The following CYP7B1 variants were observed in gnomAD, a reference collection of about 807,000 sequenced individuals.
CYP7B1 encodes the protein cytochrome P450 7B1.
In CYP7B1, 29 loss-of-function variants were observed where a neutral mutation model predicts 42.7. The ratio of observed to expected loss-of-function variants is 0.68; its 90% CI spans 0.51 to 0.93. The LOEUF (loss-of-function observed/expected upper bound fraction) is 0.93, where lower values mean the gene tolerates loss of function less well. Ranked by LOEUF, CYP7B1 falls within the 40% of genes least tolerant of loss-of-function variation. The pLI is 0.00. For missense variants in CYP7B1, 655 were observed against 600.5 expected (o/e 1.09, Z -0.95); for synonymous variants, 235 against 218.2 (o/e 1.08, Z -0.68).
intron 1 of CYP7B1, among the ~76,000 whole-genome samples, chr8:64,794,574 G>C (rs1307259171): frequency 6.6e-6 from 1 of 152,184 alleles, no homozygotes; most frequent in Non-Finnish European, 1.5e-5. Context: ...CATGGACAAA[G>C]GGGCAAGGGA....
intron 1 of CYP7B1, among the ~76,000 whole-genome samples, chr8:64,759,829 C>T (rs1443784391): frequency 6.6e-6 from 1 of 152,126 alleles, no homozygotes; most frequent in Non-Finnish European, 1.5e-5. Flanking sequence ...TTAAAATATT[C>T]TTTCCACTCA....
chr8:64,705,586 A>T (rs887099644), intron 1 of CYP7B1, among the ~76,000 whole-genome samples: 7 of 151,522 alleles, frequency 4.6e-5, no homozygotes, highest in Non-Finnish European at 8.8e-5. Flanking sequence ...TTTTTATAAG[A>T]TTTTTTGGGG....
At chr8:64,624,953 T>A (rs1017696877) in intron 1 of CYP7B1, among the ~76,000 whole-genome samples, 4 of 12,032 alleles carry the variant, frequency 3.3e-4, no homozygotes, top group Non-Finnish European at 4.7e-4. Flanking sequence ...ATATCATTCT[T>A]TTTTTTTTTT....
At chr8:64,706,412 G>T (rs564425989) in intron 1 of CYP7B1, among the ~76,000 whole-genome samples, 2 of 152,114 alleles carry the variant, frequency 1.3e-5, no homozygotes, top group East Asian at 3.9e-4. Context: ...CTACCTAAGA[G>T]AGTGTTCATC....
In CYP7B1 at chr8:64,615,966, G is replaced by A. The variant is rs1255712061; in HGVS notation, c.575C>T (p.Thr192Ile). 3.1e-6 allele frequency: 5 copies of A among 1,613,528 alleles called. No homozygotes were observed. Among genetic ancestry groups the A allele is most frequent in the Non-Finnish European group, 4.2e-6 (5 of 1,179,804 alleles). The change falls in exon 3 of 6, where the codon ACA (threonine) becomes ATA (isoleucine). Residue 192 changes from threonine (T) to isoleucine (I), a missense_variant. Transcript: ENST00000310193. ...AACTTTTCCATATATAGTTGTAAAT[G>A]TGATCTCAAATATTATTGAGCTGCA... ...PFCSSIIFEI[T>I]FTTIYGKVIV...
rs760612173 is a variant in CYP7B1, at chr8:64,615,209, C to T, written c.874G>A (p.Ala292Thr). The stretch of plus-strand genomic sequence containing the variant: ...GTTGGAATAGTGTTTGCCACAGAGG[C>T]CCAGAGAAAGCCTAAATGATGTGCT... The part of the protein sequence containing the change: ...IGAHHLGFLW[A>T]SVANTIPTMF... Residue 292 changes from alanine to threonine, a missense_variant, in exon 4 of 6, where the codon GCC becomes ACC. By Grantham distance (58) the Ala-to-Thr change is moderately conservative. Transcript: ENST00000310193. 3 of 1,612,898 alleles carry T rather than the reference C, an allele frequency of 1.9e-6. No homozygotes were observed. Among genetic ancestry groups the T allele is most frequent in the African/African-American group, 2.7e-5 (2 of 74,804 alleles).
chr8:64,668,088 C>T (rs1806309364), intron 1 of CYP7B1, among the ~76,000 whole-genome samples: 1 of 152,160 alleles, frequency 6.6e-6, no homozygotes, highest in Non-Finnish European at 1.5e-5. Context: ...CAATACCAGC[C>T]TTCCTATCAA....
rs180803099 is a variant in CYP7B1 at position 64,651,582 on chromosome 8, A to G, written c.123-27043T>C. ...CTCAAAATTCCTACATTGAAACTTA[A>G]TCTCCAGTGTGATGGTATTTGGGGG... is the stretch of plus-strand genomic sequence containing the variant. On this transcript the variant is annotated intron_variant, in intron 1 of 5. Transcript: ENST00000310193. 3.3e-5 allele frequency among the ~76,000 whole-genome samples: 5 copies of G among 152,282 alleles called. No individual in the cohort carries two copies. The East Asian group carries it at 9.7e-4, about 29-fold the overall frequency.
At chr8:64,613,371 T>A (rs963974738) in intron 4 of CYP7B1, among the ~76,000 whole-genome samples, 4 of 152,144 alleles carry the variant, frequency 2.6e-5, no homozygotes, top group Non-Finnish European at 5.9e-5. Context: ...GATTTTTTAA[T>A]AGCAAAAAGT....
At chr8:64,790,646 A>G (rs964684396) in intron 1 of CYP7B1, among the ~76,000 whole-genome samples, 4 of 152,234 alleles carry the variant, frequency 2.6e-5, no homozygotes, top group African/African-American at 7.2e-5. Flanking sequence ...GAATTAATCA[A>G]AACGTTTAAC....
chr8:64,636,022 T>C (rs991882077), intron 1 of CYP7B1, among the ~76,000 whole-genome samples: 2 of 152,218 alleles, frequency 1.3e-5, no homozygotes, highest in Admixed American at 6.5e-5. Context: ...GTTTGCACCA[T>C]GGAAATAATG....
intron 4 of CYP7B1, among the ~76,000 whole-genome samples, chr8:64,612,664 T>C (rs1457558304): frequency 6.6e-6 from 1 of 152,138 alleles, no homozygotes; most frequent in East Asian, 1.9e-4. Flanking sequence ...CTTTTCTCTT[T>C]ACTGTAATAG....
rs142000314 is a variant in CYP7B1 at position 64,678,439 on chromosome 8, G to T, written c.123-53900C>A. Among the ~76,000 whole-genome samples the T allele has an allele frequency of 9.5e-4, 145 of 152,126 alleles. 1 individual carries two copies. Among genetic ancestry groups the T allele is most frequent in the African/African-American group, 3.3e-3 (135 of 41,520 alleles). Reference sequence around the variant, plus strand: ...TCCTAGAAAAATCATTGAAAGAAAAGAAAGCACCTAGTCTGATAAAAAACC... The same window carrying T: ...TCCTAGAAAAATCATTGAAAGAAAATAAAGCACCTAGTCTGATAAAAAACC... On this transcript the variant is annotated intron_variant, in intron 1 of 5. Transcript: ENST00000310193.
At chr8:64,624,356 G>C (rs775108465) in intron 2 of CYP7B1, 47 bp downstream of exon 2, 1 of 1,570,200 alleles carries the variant, frequency 6.4e-7, no homozygotes, top group South Asian at 1.1e-5. Flanking sequence ...TAAAGAACAA[G>C]TGAAAAATGA....
chr8:64,707,182 T>G (rs1010824085), intron 1 of CYP7B1, among the ~76,000 whole-genome samples: 2 of 152,208 alleles, frequency 1.3e-5, no homozygotes, highest in Admixed American at 1.3e-4. Context: ...ACTTTCATCC[T>G]TAATGGAGTC....
chr8:64,759,804 C>G (rs1427724788), intron 1 of CYP7B1, among the ~76,000 whole-genome samples: 1 of 152,094 alleles, frequency 6.6e-6, no homozygotes, highest in Non-Finnish European at 1.5e-5. Context: ...TTGAATCCAG[C>G]TCTCCAAATT....
At chr8:64,590,434 CT>C (rs1223353391), downstream of CYP7B1, among the ~76,000 whole-genome samples, 6 of 152,134 alleles carry the variant, frequency 3.9e-5, no homozygotes, top group Non-Finnish European at 5.9e-5. Context: ...TATTACCCAG[CT>C]TTATTCATTA....
chr8:64,613,117 T>A (rs1805386042), intron 4 of CYP7B1, among the ~76,000 whole-genome samples: 1 of 152,184 alleles, frequency 6.6e-6, no homozygotes, highest in Non-Finnish European at 1.5e-5. Context: ...AAGGTCGTGA[T>A]GAACCATCCA....
intron 2 of CYP7B1, among the ~76,000 whole-genome samples, chr8:64,616,957 T>C (rs533414616): frequency 6.6e-6 from 1 of 152,312 alleles, no homozygotes; most frequent in South Asian, 2.1e-4. Context: ...TCATTCACCA[T>C]TCACCACATT....
Sources: allele counts gnomAD v4.1 joint callset (sites outside exome capture counted in the v4.1 genomes callset), GRCh38; gene constraint gnomAD v4.1.1; transcripts MANE v1.5; gene names NCBI Gene and HGNC (gene_info 2026-07-23, HGNC 2026-07-21).